The following VTI1B variants were observed in gnomAD, a reference collection of about 807,000 sequenced individuals.
VTI1B encodes vesicle transport through interaction with t-SNAREs homolog 1B.
Under a neutral mutation model 28.6 loss-of-function variants are expected in VTI1B, and 18 were observed. The ratio of observed to expected loss-of-function variants is 0.63; its 90% confidence interval spans 0.43 to 0.93. The LOEUF (loss-of-function observed/expected upper bound fraction) is 0.93. Ranked by LOEUF, VTI1B falls within the 40% of genes least tolerant of loss-of-function variation. VTI1B has a pLI of 0.00. For synonymous variants in VTI1B, 100 were observed against 107.9 expected, an observed-to-expected ratio of 0.93 and a Z score of 0.46; for missense variants, 283 against 297.0, an observed-to-expected ratio of 0.95 and a Z score of 0.35.
intron 3 of VTI1B, among the ~76,000 whole-genome samples, chr14:67,658,089 T>G (rs186613428): frequency 2.6e-5 from 4 of 152,004 alleles, no homozygotes; most frequent in East Asian, 1.9e-4. Context: ...TACAGACCAG[T>G]AGACGAGGAA....
intron 1 of VTI1B, among the ~76,000 whole-genome samples, chr14:67,672,053 G>A (rs1489525724): frequency 1.3e-5 from 2 of 151,892 alleles, no homozygotes; most frequent in South Asian, 2.1e-4. Context: ...ATGTTCTTTT[G>A]CATTATTTAG....
At chr14:67,673,226 C>A (rs780049092) in intron 1 of VTI1B, among the ~76,000 whole-genome samples, 1 of 152,134 alleles carries the variant, frequency 6.6e-6, no homozygotes, top group Non-Finnish European at 1.5e-5. Flanking sequence ...CAACTGTAAT[C>A]CCTATTACTC....
At chr14:67,668,803 T>C (rs1046031935) in intron 1 of VTI1B, among the ~76,000 whole-genome samples, 2 of 152,184 alleles carry the variant, frequency 1.3e-5, no homozygotes, top group African/African-American at 2.4e-5. Flanking sequence ...GCCTGAGAAT[T>C]TGCATTTCTA....
intron 3 of VTI1B, among the ~76,000 whole-genome samples, chr14:67,659,264 A>C (rs1263880422): frequency 2.0e-5 from 3 of 152,196 alleles, no homozygotes; most frequent in African/African-American, 7.2e-5. Context: ...TCTTGACATT[A>C]AGGTAAAGGA....
At chr14:67,659,968 A>C in intron 2 of VTI1B, 46 bp from the exon 3 acceptor site, 2 of 1,568,966 alleles carry the variant, frequency 1.3e-6, no homozygotes, top group Non-Finnish European at 1.7e-6. Flanking sequence ...TTCTTCCCTC[A>C]CTCATTTGGA....
At position 67,650,977 on chromosome 14, in the gene VTI1B, A is replaced by T. The variant is rs2037167858; in HGVS notation, c.*408T>A. On this transcript the variant is annotated 3_prime_UTR_variant, in exon 6 of 6. Coordinates refer to ENST00000554659, the MANE Select transcript of VTI1B (RefSeq NM_006370.3). ...GGCATTCCAGAATTATGAGGCATTG[A>T]GGGGATAGATGAATACTAAATGGTT... 2.6e-6 allele frequency: 4 copies of T among 1,525,222 alleles called. 1 individual carries two copies. The South Asian group carries it at 4.6e-5, about 17-fold the overall frequency. The allele number at this position is 1,525,222 out of a possible 1,614,324, so 94.5% of individuals were successfully genotyped here.
chr14:67,647,303 T>G lies in VTI1B; in HGVS notation c.*4082A>C. On this transcript the variant is annotated 3_prime_UTR_variant, in exon 6 of 6. Transcript: ENST00000554659. ...ATCTTCTGAGATGACAAGCATTTAT[T>G]GTTTCAACTGTCCCATTCTTCCCAG... is the stretch of plus-strand genomic sequence containing the variant. The G allele has an allele frequency of 3.2e-6, 1 of 314,838 alleles. No homozygotes were observed. 19.5% of individuals were successfully genotyped at this position (314,838 alleles called of 1,614,324 possible).
chr14:67,655,028 C>CAAAAAA (rs34482334), intron 4 of VTI1B, among the ~76,000 whole-genome samples: 2 of 43,470 alleles, frequency 4.6e-5, no homozygotes, highest in East Asian at 6.5e-4. Flanking sequence ...GACTCCATCT[C>CAAAAAA]AAAAAAAAAA....
Position 67,674,593 on chromosome 14 carries a change from C to G in VTI1B, c.-104G>C, listed in dbSNP as rs1405968552. On this transcript the variant is annotated 5_prime_UTR_variant, in exon 1 of 6. Transcript: ENST00000554659. ...GCCCAGTGGCCATAACGGCGACCGC[C>G]GCACCACCGCCGCCCAGGACGAGGC... The G allele has an allele frequency of 1.1e-6, 1 of 894,232 alleles. No homozygotes were observed. The highest frequency in any genetic ancestry group is 3.2e-5 in the East Asian group (1 of 31,186). 55.4% of individuals were successfully genotyped at this position (894,232 alleles called of 1,614,324 possible).
chr14:67,656,678 G>A, intron 3 of VTI1B, 89 bp from the exon 4 acceptor site: 4 of 1,353,550 alleles, frequency 3.0e-6, no homozygotes, highest in South Asian at 1.7e-5. Flanking sequence ...CATGTTAGAA[G>A]GGATATAGTG....
rs1594831719 is a variant in VTI1B at position 67,650,023 on chromosome 14, C to G, written c.*1362G>C. On this transcript the variant is annotated 3_prime_UTR_variant, in exon 6 of 6. Coordinates refer to ENST00000554659, the MANE Select transcript of VTI1B (RefSeq NM_006370.3). ...TACCGAGAACTTTGACACAAGTTCT[C>G]AAACCTTAACAGAAGGTAACTGAAG... is the stretch of plus-strand genomic sequence containing the variant. 6.6e-6 allele frequency: 1 copy of G among 152,294 alleles called. No homozygotes were observed. The highest frequency in any genetic ancestry group is 6.5e-5 in the Admixed American group (1 of 15,294). 9.4% of individuals were successfully genotyped at this position (152,294 alleles called of 1,614,324 possible).
intron 3 of VTI1B, among the ~76,000 whole-genome samples, chr14:67,656,808 G>A (rs1292118891): frequency 1.3e-5 from 2 of 152,100 alleles, no homozygotes; most frequent in Non-Finnish European, 2.9e-5. Context: ...CCACTCCACT[G>A]CCTTTTACAC....
At chr14:67,671,263 C>T (rs1394012912) in intron 1 of VTI1B, among the ~76,000 whole-genome samples, 2 of 152,188 alleles carry the variant, frequency 1.3e-5, no homozygotes, top group Non-Finnish European at 2.9e-5. Context: ...CAGTGGCTCA[C>T]ACCTGTAATC....
At chr14:67,674,258 T>G (rs1423645329) in intron 1 of VTI1B, 117 bp downstream of exon 1, 33 of 946,704 alleles carry the variant, frequency 3.5e-5, no homozygotes, top group Non-Finnish European at 5.0e-5. Flanking sequence ...CTAGGGGGCG[T>G]GTCTGAGGAC....
Position 67,656,404 on chromosome 14 carries a change from GC to G in VTI1B, c.540+11del, listed in dbSNP as rs1290631754. The G allele has an allele frequency of 3.1e-6, 5 of 1,589,948 alleles. No homozygotes were observed. In the African/African-American group the frequency reaches 5.4e-5, roughly 17 times the overall value. On this transcript the variant is annotated intron_variant, in intron 4 of 5. Transcript: ENST00000554659. The stretch of plus-strand genomic sequence containing the variant: ...CCCATACTTGCCCCTTTCCCTGTCT[GC>G]CCAGACTTACTCTACTCTTGGTACG...
In VTI1B at chr14:67,647,848, T is replaced by C; in HGVS notation, c.*3537A>G. 1 of 584,032 alleles carries C rather than the reference T, an allele frequency of 1.7e-6. No homozygotes were observed. Among genetic ancestry groups the C allele is most frequent in the Non-Finnish European group, 3.0e-6 (1 of 331,684 alleles). The allele number at this position is 584,032 out of a possible 1,614,324, so 36.2% of individuals were successfully genotyped here. A position where few individuals can be genotyped will look rare whatever the true frequency, so the allele number is the denominator to read the frequency against. On this transcript the variant is annotated 3_prime_UTR_variant, in exon 6 of 6. Coordinates refer to ENST00000554659, the MANE Select transcript of VTI1B (RefSeq NM_006370.3). Reference sequence around the variant, plus strand: ...CAGAACAAATGGCAGTATCATGAAGTGGTATGTAGGAAGTTAATATTGCCA... The same window carrying C: ...CAGAACAAATGGCAGTATCATGAAGCGGTATGTAGGAAGTTAATATTGCCA...
intron 1 of VTI1B, among the ~76,000 whole-genome samples, chr14:67,664,558 T>C (rs1312902527): frequency 1.3e-5 from 2 of 150,550 alleles, no homozygotes; most frequent in Non-Finnish European, 3.0e-5. Context: ...GTGCAGTGGC[T>C]CGGTCTCGGT....
In VTI1B at chr14:67,648,138, AC is replaced by A. The variant is rs754262476; in HGVS notation, c.*3246del. The A allele has an allele frequency of 6.2e-7, 1 of 1,614,054 alleles. No individual in the cohort carries two copies. The highest frequency in any genetic ancestry group is 1.1e-5 in the South Asian group (1 of 91,076). ...AGGAACTCCTGTTGTCGGGGGACTAACCTATCGAGAAGGCATGTATATTGCT... is the reference window on the plus strand; with the variant it reads ...AGGAACTCCTGTTGTCGGGGGACTAACTATCGAGAAGGCATGTATATTGCT... On this transcript the variant is annotated 3_prime_UTR_variant, in exon 6 of 6. Coordinates refer to ENST00000554659, the MANE Select transcript of VTI1B (RefSeq NM_006370.3).
In VTI1B at chr14:67,649,996, A is replaced by G. The variant is rs898696647; in HGVS notation, c.*1389T>C. Reference sequence around the variant, plus strand: ...TCCACTTGCTCCAGGCCAAAGGAACACTACCGAGAACTTTGACACAAGTTC... The same window carrying G: ...TCCACTTGCTCCAGGCCAAAGGAACGCTACCGAGAACTTTGACACAAGTTC... On this transcript the variant is annotated 3_prime_UTR_variant, in exon 6 of 6. Transcript: ENST00000554659. The G allele has an allele frequency of 6.6e-6, 1 of 152,334 alleles. No homozygotes were observed. Among genetic ancestry groups the G allele is most frequent in the Non-Finnish European group, 1.5e-5 (1 of 68,138 alleles). The allele number at this position is 152,334 out of a possible 1,614,324, so 9.4% of individuals were successfully genotyped here.
Sources: gnomAD v4.1 joint callset for allele counts (sites outside exome capture counted in the v4.1 genomes callset) on GRCh38, gnomAD v4.1.1 for gene constraint, MANE v1.5 for transcripts, NCBI Gene and HGNC (gene_info 2026-07-23, HGNC 2026-07-21) for gene names.